Variants in MED23 observed in about 807,000 individuals in gnomAD.
MED23 encodes mediator complex subunit 23, also known as mediator of RNA polymerase II transcription subunit 23.
Under a neutral mutation model 163.9 loss-of-function variants are expected in MED23, and 105 were observed. The ratio of observed to expected loss-of-function variants is 0.64; its 90% CI spans 0.55 to 0.75. The LOEUF is 0.75. MED23 is among the 30% of genes least tolerant of loss of function. The pLI is 0.00. For synonymous variants in MED23, 561 were observed against 565.6 expected (o/e 0.99, Z 0.12); for missense variants, 1,054 against 1,649.0 (o/e 0.64, Z 6.25).
At chr6:131,625,775 T>C (rs1427022760) in intron 3 of MED23, among the ~76,000 whole-genome samples, 1 of 152,016 alleles carries the variant, frequency 6.6e-6, no homozygotes, top group Non-Finnish European at 1.5e-5. Context: ...ATTTCTCATG[T>C]TTTTGATTGG....
chr6:131,578,186 T>TA (rs34484161), intron 30 of MED23, among the ~76,000 whole-genome samples: 70,309 of 139,946 alleles, frequency 0.5, 17,332 homozygotes, highest in East Asian at 0.71. Context: ...CGTAAATCTT[T>TA]AAAAAAAAAA....
At chr6:131,609,956 A>T in intron 11 of MED23, 90 bp downstream of exon 11, 1 of 1,251,112 alleles carries the variant, frequency 8.0e-7, no homozygotes, top group Non-Finnish European at 1.2e-6. Context: ...AACTTCTGTC[A>T]GTTCTAAAAT....
At chr6:131,616,093 C>A in intron 9 of MED23, 91 bp from the exon 10 acceptor site, 1 of 987,730 alleles carries the variant, frequency 1.0e-6, no homozygotes, top group Non-Finnish European at 1.6e-6. Flanking sequence ...CCTCTAAAGG[C>A]ACTTGTTACC....
intron 30 of MED23, chr6:131,581,305 C>A (rs574320679): frequency 1.9e-6 from 3 of 1,613,824 alleles, no homozygotes; most frequent in Non-Finnish European, 2.5e-6. Context: ...GATATCAACA[C>A]TCCACTGACA....
chr6:131,593,170 C>CGGT lies in MED23; in HGVS notation c.3233-2_3233dup (p.Thr1078_Met1079insPro). The CGGT allele has an allele frequency of 6.2e-7, 1 of 1,614,092 alleles. No homozygotes were observed. Among genetic ancestry groups the CGGT allele is most frequent in the Non-Finnish European group, 8.5e-7 (1 of 1,179,988 alleles). On this transcript the variant is annotated inframe_insertion and splice_region_variant, in exon 24 of 29. Transcript: ENST00000368068. ...AGGGACCAGGAGATTTGCCAGCCAT[C>CGGT]GGTGCACACAGTTAAAGCAATAACA...
chr6:131,609,671 TTGTG>T (rs544827405), intron 11 of MED23, among the ~76,000 whole-genome samples: 111 of 146,940 alleles, frequency 7.6e-4, no homozygotes, highest in Non-Finnish European at 1.3e-3. Flanking sequence ...TATAATCATG[TTGTG>T]TGTGTGTGTA....
intron 13 of MED23, 70 bp downstream of exon 13, chr6:131,606,409 G>T: frequency 6.5e-7 from 1 of 1,527,562 alleles, no homozygotes. Flanking sequence ...CAAACACCGA[G>T]ACCAATATTA....
intron 15 of MED23, 125 bp downstream of exon 15, chr6:131,604,053 G>A (rs924587955): frequency 2.6e-5 from 24 of 919,546 alleles, no homozygotes; most frequent in Non-Finnish European, 4.1e-5. Context: ...TTTATTTAAT[G>A]TCCTCCTCCA....
downstream of MED23, among the ~76,000 whole-genome samples, chr6:131,585,294 A>G (rs1774138579): frequency 6.6e-6 from 1 of 152,212 alleles, no homozygotes. Context: ...ATTTATGTGA[A>G]AACCCCAGGG....
At chr6:131,592,952 C>T in intron 24 of MED23, 54 bp downstream of exon 24, 2 of 1,588,808 alleles carry the variant, frequency 1.3e-6, no homozygotes, top group Non-Finnish European at 1.7e-6. Context: ...AAATAGAATA[C>T]CATTCTATTT....
intron 30 of MED23, among the ~76,000 whole-genome samples, chr6:131,578,131 C>T (rs543486906): frequency 6.6e-6 from 1 of 150,836 alleles, no homozygotes; most frequent in Non-Finnish European, 1.5e-5. Context: ...CTCATTGACC[C>T]GCACAGTTAA....
At chr6:131,597,553 T>C (rs1207599893) in intron 20 of MED23, among the ~76,000 whole-genome samples, 2 of 150,750 alleles carry the variant, frequency 1.3e-5, no homozygotes, top group Non-Finnish European at 2.9e-5. Flanking sequence ...AAAAAAACAT[T>C]TGGGGAATGT....
rs764598084 is a variant in MED23 at position 131,592,973 on chromosome 6, A to T, written c.3398+33T>A. 6 of 1,612,840 alleles carry T rather than the reference A, an allele frequency of 3.7e-6. No individual in the cohort carries two copies. In the South Asian group the frequency reaches 6.6e-5, roughly 18 times the overall value. ...AATACCATTCTATTTACAAATAAACAACAAATCTTACTGCATGAACCAGAA... is the reference window on the plus strand; with the variant it reads ...AATACCATTCTATTTACAAATAAACTACAAATCTTACTGCATGAACCAGAA... On this transcript the variant is annotated intron_variant, in intron 24 of 28. Coordinates refer to ENST00000368068, the MANE Select transcript of MED23 (RefSeq NM_004830.4).
At chr6:131,605,202 T>C in intron 14 of MED23, 38 bp downstream of exon 14, 1 of 1,604,536 alleles carries the variant, frequency 6.2e-7, no homozygotes, top group Non-Finnish European at 8.5e-7. Flanking sequence ...CTCGTATCAA[T>C]TCCCTGACAT....
intron 15 of MED23, 73 bp downstream of exon 15, chr6:131,604,105 C>CA: frequency 6.6e-7 from 1 of 1,525,022 alleles, no homozygotes; most frequent in East Asian, 2.3e-5. Flanking sequence ...GCTGTGTCCC[C>CA]AGGACCTAGA....
At position 131,592,437 on chromosome 6, in the gene MED23, T is replaced by C; in HGVS notation, c.3422A>G (p.Asn1141Ser). 1 of 1,614,038 alleles carries C rather than the reference T, an allele frequency of 6.2e-7. No individual in the cohort carries two copies. Residue 1141 changes from asparagine (N) to serine (S), a missense_variant, in exon 25 of 29, where the codon AAC becomes AGC. Transcript: ENST00000368068. The stretch of plus-strand genomic sequence containing the variant: ...AATTGCATTCATCCATGCTGTAATG[T>C]TCTCTCTTGGCACTAAAGGCTGACT... ...LKSQPLVPRE[N>S]ITAWMNAIGL...
intron 12 of MED23, 98 bp from the exon 13 acceptor site, chr6:131,606,722 T>C: frequency 9.4e-7 from 1 of 1,061,412 alleles, no homozygotes; most frequent in Non-Finnish European, 1.4e-6. Context: ...TAACTCTTTT[T>C]AGCATATCAT....
intron 9 of MED23, among the ~76,000 whole-genome samples, chr6:131,617,620 T>C (rs890904232): frequency 6.6e-5 from 10 of 152,166 alleles, no homozygotes; most frequent in African/African-American, 2.4e-4. Context: ...CACTTCAATG[T>C]GCTAATTTTA....
At chr6:131,583,004 A>G, downstream of MED23, 1 of 1,233,940 alleles carries the variant, frequency 8.1e-7, no homozygotes, top group South Asian at 1.3e-5. Flanking sequence ...TTAAAAGGAG[A>G]CAGGCGGGCA....
Sources: gnomAD v4.1 joint callset for allele counts (sites outside exome capture counted in the v4.1 genomes callset) on GRCh38, gnomAD v4.1.1 for gene constraint, MANE v1.5 for transcripts, NCBI Gene and HGNC (gene_info 2026-07-23, HGNC 2026-07-21) for gene names.